CFAP57: variants seen among roughly 807,000 people sequenced by gnomAD.
The protein encoded by CFAP57 is cilia- and flagella-associated protein 57.
CFAP57 carries 116 observed loss-of-function variants against 146.8 expected under a neutral mutation model. The ratio of observed to expected loss-of-function variants is 0.79; its 90% CI spans 0.68 to 0.92. The LOEUF is 0.92. Among genes scored for constraint, CFAP57 ranks in the 40% least tolerant of loss-of-function variants. The pLI is 0.00. For missense variants in CFAP57, 1,377 were observed against 1,527.2 expected, an observed-to-expected ratio of 0.90 and a Z score of 1.64; for synonymous variants, 518 against 552.8, an observed-to-expected ratio of 0.94 and a Z score of 0.88.
At chr1:43,210,224 A>G in intron 11 of CFAP57, 2 of 1,503,366 alleles carry the variant, frequency 1.3e-6, no homozygotes, top group Non-Finnish European at 1.8e-6. Flanking sequence ...GCTGCACTTG[A>G]CCACAGCTGC....
chr1:43,180,810 C>G (rs1026660205), intron 2 of CFAP57, among the ~76,000 whole-genome samples: 2 of 152,114 alleles, frequency 1.3e-5, no homozygotes, highest in African/African-American at 4.8e-5. Flanking sequence ...GATGAGCTAG[C>G]CACTCAGGGA....
intron 22 of CFAP57, among the ~76,000 whole-genome samples, chr1:43,251,178 G>T (rs1485944739): frequency 2.0e-5 from 3 of 152,240 alleles, no homozygotes; most frequent in Admixed American, 6.5e-5. Flanking sequence ...AACACCAGGA[G>T]TTTGGTCAAG....
intron 6 of CFAP57, among the ~76,000 whole-genome samples, chr1:43,191,433 A>T (rs1275086038): frequency 6.6e-6 from 1 of 151,940 alleles, no homozygotes; most frequent in East Asian, 1.9e-4. Context: ...TAAAAATACA[A>T]AAAATTAGCC....
At chr1:43,216,321 C>T (rs958607146) in intron 12 of CFAP57, among the ~76,000 whole-genome samples, 10 of 152,188 alleles carry the variant, frequency 6.6e-5, no homozygotes, top group African/African-American at 2.4e-4. Flanking sequence ...CGGTGACAAG[C>T]CCCTGGCATT....
chr1:43,210,970 T>A (rs1056322450), intron 11 of CFAP57: 4 of 150,912 alleles, frequency 2.7e-5, no homozygotes, highest in Non-Finnish European at 1.5e-5. Flanking sequence ...ATACCTACAC[T>A]GGACCCCCCA....
chr1:43,207,801 G>C (rs921321919), intron 10 of CFAP57, among the ~76,000 whole-genome samples: 4 of 152,234 alleles, frequency 2.6e-5, no homozygotes, highest in African/African-American at 9.6e-5. Flanking sequence ...GCCTGGGAAA[G>C]TGCGTAGATA....
chr1:43,215,202 C>G, intron 11 of CFAP57, 53 bp from the exon 12 acceptor site: 10 of 1,548,520 alleles, frequency 6.5e-6, no homozygotes, highest in Non-Finnish European at 8.7e-6. Context: ...TGGCTCAGCC[C>G]TGGTCATCTG....
chr1:43,185,493 G>A (rs556057788), intron 5 of CFAP57, 137 bp downstream of exon 5: 8 of 797,910 alleles, frequency 1.0e-5, no homozygotes, highest in Admixed American at 4.0e-5. Flanking sequence ...ATGGTGACTC[G>A]AGATGTCTGT....
In CFAP57 at chr1:43,234,262, A is replaced by G; in HGVS notation, c.3127-17A>G. ...AGAGCACCCTACAGCACCAGAAGGA[A>G]ACGTCTCTGATTGCAGGAGCGAGAC... On this transcript the variant is annotated splice_polypyrimidine_tract_variant and intron_variant, in intron 19 of 22. Transcript: ENST00000372492. The G allele has an allele frequency of 6.5e-7, 1 of 1,539,344 alleles. No individual in the cohort carries two copies. Among genetic ancestry groups the G allele is most frequent in the Non-Finnish European group, 8.8e-7 (1 of 1,141,458 alleles).
intron 11 of CFAP57, among the ~76,000 whole-genome samples, chr1:43,212,588 A>G (rs552082201): frequency 6.6e-6 from 1 of 152,252 alleles, no homozygotes; most frequent in East Asian, 1.9e-4. Context: ...AAAATATACA[A>G]TATATTGTTG....
intron 6 of CFAP57, chr1:43,196,435 G>C (rs12122233): frequency 0.18 from 27,496 of 153,148 alleles, 3,585 homozygotes; most frequent in African/African-American, 0.35. Flanking sequence ...CCATAACACC[G>C]TGAATGCACC....
intron 19 of CFAP57, 83 bp from the exon 20 acceptor site, chr1:43,234,196 T>G: frequency 1.4e-6 from 2 of 1,390,266 alleles, no homozygotes; most frequent in South Asian, 1.6e-5. Context: ...TTTCCCTTTC[T>G]GTGCCATTAA....
At position 43,254,195 on chromosome 1, in the gene CFAP57, C is replaced by A. The variant is rs1448710924; in HGVS notation, c.*4C>A. On this transcript the variant is annotated 3_prime_UTR_variant, in exon 23 of 23. Coordinates refer to ENST00000372492, the MANE Select transcript of CFAP57 (RefSeq NM_001378189.1). Reference sequence around the variant, plus strand: ...CTTAGAGGTGAAGACCAACTGACCCCCTCTGGTGAGCCATCTCCAGCCACA... The same window carrying A: ...CTTAGAGGTGAAGACCAACTGACCCACTCTGGTGAGCCATCTCCAGCCACA... The A allele has an allele frequency of 6.5e-7, 1 of 1,543,810 alleles. No individual in the cohort carries two copies. The highest frequency in any genetic ancestry group is 2.4e-5 in the East Asian group (1 of 40,840).
At chr1:43,245,317 A>T (rs747841798) in intron 22 of CFAP57, among the ~76,000 whole-genome samples, 7 of 106,534 alleles carry the variant, frequency 6.6e-5, no homozygotes. Context: ...ACAGAGCAAG[A>T]CCCTGTCTCA....
At position 43,186,771 on chromosome 1, in the gene CFAP57, G is replaced by C. The variant is rs11210805; in HGVS notation, c.1034G>C (p.Cys345Ser). ...QSDKQDVLCL[C>S]FSPSEETLVA... ...GACAAACAGGACGTTCTCTGCCTGT[G>C]CTTCAGCCCCTCAGAGGAAACTCTG... Residue 345 changes from cysteine to serine, a missense_variant, in exon 6 of 23, where the codon TGC becomes TCC. Transcript: ENST00000372492. 107,855 of 1,614,070 alleles carry C rather than the reference G, an allele frequency of 0.067. 5,992 individuals are homozygous for C. The highest frequency in any genetic ancestry group is 0.26 in the East Asian group (11,684 of 44,868).
intron 8 of CFAP57, 25 bp downstream of exon 8, chr1:43,198,671 A>G (rs540700980): frequency 2.6e-4 from 423 of 1,612,762 alleles, no homozygotes; most frequent in Admixed American, 4.0e-4. Flanking sequence ...GCTGAAGACA[A>G]AAGTCCAGTT....
chr1:43,212,170 A>G (rs1413106685), intron 11 of CFAP57, among the ~76,000 whole-genome samples: 1 of 152,204 alleles, frequency 6.6e-6, no homozygotes, highest in Non-Finnish European at 1.5e-5. Flanking sequence ...CATGGTCCAC[A>G]GTGTATGTAG....
At chr1:43,230,229 AT>A (rs1645412000) in intron 18 of CFAP57, among the ~76,000 whole-genome samples, 1 of 152,206 alleles carries the variant, frequency 6.6e-6, no homozygotes, top group South Asian at 2.1e-4. Context: ...GCACTCAGAC[AT>A]GATCTTCGGG....
At chr1:43,185,060 C>T in intron 4 of CFAP57, 89 bp from the exon 5 acceptor site, 1 of 1,404,788 alleles carries the variant, frequency 7.1e-7, no homozygotes, top group African/African-American at 1.4e-5. Context: ...TCTGTCACAC[C>T]CAGTGACAGT....
Sources: allele counts gnomAD v4.1 joint callset (sites outside exome capture counted in the v4.1 genomes callset), GRCh38; gene constraint gnomAD v4.1.1; transcripts MANE v1.5; gene names NCBI Gene and HGNC (gene_info 2026-07-23, HGNC 2026-07-21).